The following ROBO2 variants were observed in gnomAD, a reference collection of about 807,000 sequenced individuals.
The protein encoded by ROBO2 is roundabout homolog 2.
In ROBO2, 53 loss-of-function variants were observed where a neutral mutation model predicts 160.8. The observed-to-expected ratio is 0.33, with a 90% CI of 0.26 to 0.41. The LOEUF (loss-of-function observed/expected upper bound fraction) is 0.41. Among genes scored for constraint, ROBO2 ranks in the 10% least tolerant of loss-of-function variants. ROBO2 has a pLI of 1.00. For missense variants in ROBO2, 1,577 were observed against 1,722.4 expected (o/e 0.92, Z 1.49); for synonymous variants, 664 against 611.7 (o/e 1.09, Z -1.26).
At chr3:76,347,099 C>T (rs941214869) in intron 2 of ROBO2, among the ~76,000 whole-genome samples, 1 of 152,078 alleles carries the variant, frequency 6.6e-6, no homozygotes, top group Non-Finnish European at 1.5e-5. Context: ...GCAGTCCTTG[C>T]TGGGAATTAG....
intron 2 of ROBO2, among the ~76,000 whole-genome samples, chr3:77,265,411 T>A (rs1489122411): frequency 6.6e-6 from 1 of 152,190 alleles, no homozygotes; most frequent in Non-Finnish European, 1.5e-5. Flanking sequence ...CAATGCCTTT[T>A]ACAAGTTTAT....
intron 2 of ROBO2, among the ~76,000 whole-genome samples, chr3:76,834,116 C>CTTTCTTTCTT (rs1559575341): frequency 4.7e-4 from 17 of 35,792 alleles, no homozygotes; most frequent in African/African-American, 2.0e-3. Flanking sequence ...CTTTCTTTCT[C>CTTTCTTTCTT]TCTGTCTCTC....
chr3:76,539,014 A>C (rs1169099031), intron 2 of ROBO2, among the ~76,000 whole-genome samples: 1 of 152,226 alleles, frequency 6.6e-6, no homozygotes, highest in Non-Finnish European at 1.5e-5. Context: ...CTATGTGGCC[A>C]TAAAAAACAA....
intron 2 of ROBO2, among the ~76,000 whole-genome samples, chr3:77,227,041 A>G (rs1419109944): frequency 6.6e-6 from 1 of 152,180 alleles, no homozygotes; most frequent in Non-Finnish European, 1.5e-5. Flanking sequence ...CCTTTAATAC[A>G]ACAAAAATGT....
chr3:76,457,609 C>T (rs1336332494), intron 2 of ROBO2, among the ~76,000 whole-genome samples: 1 of 152,160 alleles, frequency 6.6e-6, no homozygotes, highest in Non-Finnish European at 1.5e-5. Context: ...TAGGCAGTGC[C>T]CCTGTAGAGA....
rs138345832 is a variant in ROBO2, at chr3:76,723,045, C to G, written c.110-374969C>G. ...ATAACACTGCTTCTAATTTTACATA[C>G]TAAAATTAGAATATGATTACTTTTA... On this transcript the variant is annotated intron_variant, in intron 2 of 26. Transcript: ENST00000487694. 1.5e-4 allele frequency among the ~76,000 whole-genome samples: 23 copies of G among 151,948 alleles called. No homozygotes were observed. The East Asian group carries it at 3.3e-3, about 22-fold the overall frequency.
exon 19 of ROBO2, chr3:77,596,733 G>A (rs754820537): frequency 6.2e-7 from 1 of 1,613,346 alleles, no homozygotes; most frequent in Non-Finnish European, 8.5e-7. Flanking sequence ...AATGAGATTG[G>A]AAATTTTGGC....
intron 2 of ROBO2, among the ~76,000 whole-genome samples, chr3:76,531,115 G>GT (rs1170821475): frequency 1.3e-5 from 2 of 152,082 alleles, no homozygotes; most frequent in African/African-American, 4.8e-5. Flanking sequence ...ACATTTATTT[G>GT]TTTTTTGTCC....
chr3:75,923,660 C>A (rs985182029), intron 1 of ROBO2, among the ~76,000 whole-genome samples: 1 of 152,108 alleles, frequency 6.6e-6, no homozygotes, highest in African/African-American at 2.4e-5. Context: ...CAAATGAAAT[C>A]CAGTTCAGAG....
intron 2 of ROBO2, among the ~76,000 whole-genome samples, chr3:76,752,362 A>C (rs951635097): frequency 6.6e-6 from 1 of 151,794 alleles, no homozygotes; most frequent in African/African-American, 2.4e-5. Flanking sequence ...TGGGTGCAGC[A>C]CACCAACATG....
chr3:76,688,425 A>G (rs1315246443), intron 2 of ROBO2, among the ~76,000 whole-genome samples: 1 of 152,092 alleles, frequency 6.6e-6, no homozygotes, highest in African/African-American at 2.4e-5. Context: ...CTATTTTTTA[A>G]AGAAGCAAAT....
At chr3:76,464,790 A>G (rs2078277546) in intron 2 of ROBO2, among the ~76,000 whole-genome samples, 1 of 152,162 alleles carries the variant, frequency 6.6e-6, no homozygotes, top group South Asian at 2.1e-4. Flanking sequence ...TGATGTACAC[A>G]TTCCCATATA....
Position 76,072,529 on chromosome 3 carries a change from A to G in ROBO2, c.109+134927A>G, listed in dbSNP as rs187147996. On this transcript the variant is annotated intron_variant, in intron 2 of 26. Transcript: ENST00000487694. ...TACTCCTAGATAAATTTTAGCAGAA[A>G]AGTCAGAAACTTATACTAAATTAAA... Among the ~76,000 whole-genome samples, 667 of 152,260 alleles carry G rather than the reference A, an allele frequency of 4.4e-3. 2 individuals are homozygous for G. Among genetic ancestry groups the G allele is most frequent in the Admixed American group, 0.01 (158 of 15,296 alleles).
rs576628526 is a variant in ROBO2 at position 76,998,747 on chromosome 3, G to A, written c.110-99267G>A. 8.5e-5 allele frequency among the ~76,000 whole-genome samples: 13 copies of A among 152,242 alleles called. No individual in the cohort carries two copies. The South Asian group carries it at 2.1e-3, about 24-fold the overall frequency. On this transcript the variant is annotated intron_variant, in intron 2 of 26. Transcript: ENST00000487694. Reference sequence around the variant, plus strand: ...TAATTTTCACGCCTGGGGGAATTTGGTGATTGATGAAGCCTATGTGCTGGC... The same window carrying A: ...TAATTTTCACGCCTGGGGGAATTTGATGATTGATGAAGCCTATGTGCTGGC...
rs573867171 is a variant in ROBO2 at position 76,957,589 on chromosome 3, T to A, written c.110-140425T>A. 1.4e-3 allele frequency among the ~76,000 whole-genome samples: 217 copies of A among 152,108 alleles called. 1 individual carries two copies. The highest frequency in any genetic ancestry group is 2.1e-3 in the Non-Finnish European group (144 of 67,950). ...GGCTCACGCCTGTAGTCCCAGCGCT[T>A]TGGGAGGCCAAGGAGAGCAGATCAC... On this transcript the variant is annotated intron_variant, in intron 2 of 26. Coordinates refer to the ROBO2 transcript ENST00000487694.
chr3:77,081,287 A>G (rs2068627619), intron 1 of ROBO2, among the ~76,000 whole-genome samples: 1 of 152,206 alleles, frequency 6.6e-6, no homozygotes, highest in African/African-American at 2.4e-5. Context: ...GAGTCTCATT[A>G]TTACGCCATT....
rs1265368903 is a variant in ROBO2, at chr3:77,247,707, T to G, written c.388+149367T>G. 2.6e-5 allele frequency among the ~76,000 whole-genome samples: 4 copies of G among 152,224 alleles called. No homozygotes were observed. In the East Asian group the frequency reaches 7.7e-4, roughly 29 times the overall value. Reference sequence around the variant, plus strand: ...GCAAATGCACGTGCTCTCTTTTTGCTTTAGGTTATCATTCTTGCGGACCAT... The same window carrying G: ...GCAAATGCACGTGCTCTCTTTTTGCGTTAGGTTATCATTCTTGCGGACCAT... On this transcript the variant is annotated intron_variant, in intron 2 of 25. Transcript: ENST00000461745.
chr3:76,048,473 A>G (rs2035706), intron 2 of ROBO2, among the ~76,000 whole-genome samples: 7,374 of 152,310 alleles, frequency 0.048, 420 homozygotes, highest in African/African-American at 0.13. Context: ...GAGTTTGTAC[A>G]TAAACTGCAA....
chr3:76,976,788 T>G (rs984924191), intron 2 of ROBO2, among the ~76,000 whole-genome samples: 11 of 152,224 alleles, frequency 7.2e-5, no homozygotes, highest in Admixed American at 2.0e-4. Context: ...ACCGTAAATT[T>G]CATTGCTAAG....
Sources: allele counts gnomAD v4.1 joint callset (sites outside exome capture counted in the v4.1 genomes callset), GRCh38; gene constraint gnomAD v4.1.1; transcripts MANE v1.5; gene names NCBI Gene and HGNC (gene_info 2026-07-23, HGNC 2026-07-21).